Variants in NCAPG2 observed in about 807,000 individuals in gnomAD.
NCAPG2 encodes the protein non-SMC condensin II complex subunit G2.
A neutral mutation model predicts 141.1 loss-of-function variants in NCAPG2; 53 were observed. The ratio of observed to expected loss-of-function variants is 0.38; its 90% CI spans 0.30 to 0.47. The LOEUF (loss-of-function observed/expected upper bound fraction) is 0.47, where lower values mean the gene tolerates loss of function less well. Among genes scored for constraint, NCAPG2 ranks in the 20% least tolerant of loss-of-function variants. The pLI is 0.99. For synonymous variants in NCAPG2, 499 were observed against 490.7 expected, an observed-to-expected ratio of 1.02 and a Z score of -0.22; for missense variants, 1,087 against 1,389.0, an observed-to-expected ratio of 0.78 and a Z score of 3.46.
At chr7:158,652,261 T>A (rs1483807310) in intron 23 of NCAPG2, 32 bp downstream of exon 23, 1 of 1,596,842 alleles carries the variant, frequency 6.3e-7, no homozygotes, top group East Asian at 2.2e-5. Flanking sequence ...AAAGCCCATC[T>A]AGCGAACCCC....
chr7:158,654,642 T>C lies in NCAPG2; in HGVS notation c.2699A>G (p.Gln900Arg). 6.2e-7 allele frequency: 1 copy of C among 1,614,168 alleles called. No homozygotes were observed. The change falls in exon 22 of 28, where the codon CAG becomes CGG. Residue 900 changes from glutamine to arginine, a missense_variant. Transcript: ENST00000356309. Reference sequence around the variant, plus strand: ...CCGCTGTAAGAGTTGCATCTGAAACTGATGGTCACCAAGGCCTACCATAAC... The same window carrying C: ...CCGCTGTAAGAGTTGCATCTGAAACCGATGGTCACCAAGGCCTACCATAAC... ...DVVMVGLGDH[Q>R]FQMQLLQRSL...
chr7:158,697,360 G>C (rs1309535732), intron 2 of NCAPG2, among the ~76,000 whole-genome samples: 14 of 152,344 alleles, frequency 9.2e-5, no homozygotes, highest in Non-Finnish European at 1.0e-4. Context: ...CCAGCACTTT[G>C]GGAGGCCAAG....
At chr7:158,672,835 C>T (rs1833832947) in intron 12 of NCAPG2, among the ~76,000 whole-genome samples, 1 of 152,156 alleles carries the variant, frequency 6.6e-6, no homozygotes, top group South Asian at 2.1e-4. Context: ...TCCCACAGCC[C>T]CTGTAGCCCC....
intron 13 of NCAPG2, among the ~76,000 whole-genome samples, chr7:158,669,218 C>T (rs1035822729): frequency 1.7e-4 from 26 of 152,104 alleles, no homozygotes; most frequent in African/African-American, 6.3e-4. Context: ...GTGAATAGTG[C>T]TTCAATGAAC....
At chr7:158,645,378 G>A (rs182978714) in intron 26 of NCAPG2, 141 bp downstream of exon 26, 2 of 674,056 alleles carry the variant, frequency 3.0e-6, no homozygotes, top group South Asian at 1.8e-5. Context: ...CAGCACATGA[G>A]AAGGCAGGGA....
chr7:158,661,818 C>G (rs1342426829), intron 16 of NCAPG2, among the ~76,000 whole-genome samples: 1 of 152,180 alleles, frequency 6.6e-6, no homozygotes, highest in Non-Finnish European at 1.5e-5. Context: ...TTACTGGGTG[C>G]CTTCGGGTAC....
intron 10 of NCAPG2, 45 bp from the exon 11 acceptor site, chr7:158,680,130 C>T (rs374540976): frequency 2.5e-6 from 4 of 1,588,460 alleles, no homozygotes; most frequent in African/African-American, 2.7e-5. Flanking sequence ...AAAGAGTTAA[C>T]ATACGAAGGC....
chr7:158,667,176 A>C (rs1045478066), intron 13 of NCAPG2: 13 of 985,296 alleles, frequency 1.3e-5, no homozygotes, highest in Non-Finnish European at 1.3e-5. Flanking sequence ...TCTGCCTTGC[A>C]CTTGCAAAGA....
intron 22 of NCAPG2, 102 bp from the exon 23 acceptor site, chr7:158,652,582 G>A: frequency 2.5e-6 from 2 of 796,890 alleles, no homozygotes; most frequent in Non-Finnish European, 3.8e-6. Flanking sequence ...TAACAAAAAA[G>A]AGATTATTAC....
intron 4 of NCAPG2, among the ~76,000 whole-genome samples, chr7:158,691,340 C>T (rs1479571117): frequency 1.3e-5 from 2 of 152,194 alleles, no homozygotes; most frequent in African/African-American, 2.4e-5. Flanking sequence ...AGTGTTAGCA[C>T]TAATCATTTC....
At position 158,687,431 on chromosome 7, in the gene NCAPG2, A is replaced by G. The variant is rs373089532; in HGVS notation, c.684T>C (p.Phe228=). 2 of 1,603,468 alleles carry G rather than the reference A, an allele frequency of 1.2e-6. No homozygotes were observed. The highest frequency in any genetic ancestry group is 1.7e-6 in the Non-Finnish European group (2 of 1,174,634). ...TATTCCAGTTGAAGAGACAACTAAG[A>G]AATCTTCTTCCCTAGAAATAAAAAA... ...NYIKKEEGRR[F]LSCLFNWNIN... is the part of the protein sequence containing the mutation. Residue 228 remains phenylalanine, a synonymous_variant, in exon 7 of 28, where the codon TTT becomes TTC. Coordinates refer to ENST00000356309, the MANE Select transcript of NCAPG2 (RefSeq NM_017760.7).
chr7:158,683,703 G>A (rs1174584400), intron 8 of NCAPG2, among the ~76,000 whole-genome samples: 2 of 152,224 alleles, frequency 1.3e-5, no homozygotes, highest in African/African-American at 4.8e-5. Flanking sequence ...GAGACTGAGT[G>A]CATGGTGAGT....
rs1222320849 is a variant in NCAPG2 at position 158,698,530 on chromosome 7, C to T, written c.78+3292G>A. Among the ~76,000 whole-genome samples, 14 of 152,316 alleles carry T rather than the reference C, an allele frequency of 9.2e-5. No homozygotes were observed. The South Asian group carries it at 1.2e-3, about 14-fold the overall frequency. ...GTATTCAGTACAGTAACATGCCACA[C>T]AGGTTTGTAGCCTAGGACGGTAGAC... On this transcript the variant is annotated intron_variant, in intron 2 of 27. Transcript: ENST00000356309.
chr7:158,655,278 T>A lies in NCAPG2; in HGVS notation c.2506-20A>T, dbSNP rs202083054. 4 of 1,613,586 alleles carry A rather than the reference T, an allele frequency of 2.5e-6. No individual in the cohort carries two copies. In the African/African-American group the frequency reaches 4.0e-5, roughly 16 times the overall value. ...GCAGAACTGTCCAAAAACAAGAAGA[T>A]AAATCAGTAACAAAAAGAGCACTGT... On this transcript the variant is annotated intron_variant, in intron 20 of 27. Coordinates refer to ENST00000356309, the MANE Select transcript of NCAPG2 (RefSeq NM_017760.7).
intron 13 of NCAPG2, among the ~76,000 whole-genome samples, chr7:158,667,579 C>G (rs1381326711): frequency 2.0e-4 from 3 of 15,214 alleles, no homozygotes; most frequent in Non-Finnish European, 2.5e-4. Flanking sequence ...CCTCCGCCCT[C>G]CCTTACCCAC....
chr7:158,638,583 C>A (rs932798400), intron 27 of NCAPG2, among the ~76,000 whole-genome samples: 4 of 151,938 alleles, frequency 2.6e-5, no homozygotes, highest in Non-Finnish European at 5.9e-5. Flanking sequence ...TAAAGAGAGA[C>A]CCTTTATTAA....
At position 158,701,912 on chromosome 7, in the gene NCAPG2, T is replaced by C. The variant is rs373917167; in HGVS notation, c.-13A>G. The C allele has an allele frequency of 2.5e-6, 4 of 1,602,908 alleles. No homozygotes were observed. The East Asian group carries it at 6.7e-5, about 27-fold the overall frequency. On this transcript the variant is annotated 5_prime_UTR_variant, in exon 2 of 28. Coordinates refer to ENST00000356309, the MANE Select transcript of NCAPG2 (RefSeq NM_017760.7). ...CACGTTTTTCCATGACAGATGGCAC[T>C]GTTCAAATGGCATTTATTTTGTAAC... is the stretch of plus-strand genomic sequence containing the variant.
chr7:158,661,099 A>G (rs1369152560), intron 16 of NCAPG2, among the ~76,000 whole-genome samples: 5 of 152,194 alleles, frequency 3.3e-5, no homozygotes, highest in African/African-American at 1.2e-4. Flanking sequence ...GACTAATACA[A>G]TTTTGGCAAC....
At chr7:158,666,498 T>C (rs1226582748) in intron 13 of NCAPG2, among the ~76,000 whole-genome samples, 1 of 151,762 alleles carries the variant, frequency 6.6e-6, no homozygotes, top group Admixed American at 6.6e-5. Flanking sequence ...ATTCCCACTT[T>C]AAAGGTAAGA....
Sources: allele counts gnomAD v4.1 joint callset (sites outside exome capture counted in the v4.1 genomes callset), GRCh38; gene constraint gnomAD v4.1.1; transcripts MANE v1.5; gene names NCBI Gene and HGNC (gene_info 2026-07-23, HGNC 2026-07-21).